Variants in LDB2 observed in about 807,000 individuals in gnomAD.
LDB2 encodes LIM domain-binding protein 2.
A neutral mutation model predicts 44.3 loss-of-function variants in LDB2; 12 were observed. The observed-to-expected ratio is 0.27, with a 90% CI of 0.17 to 0.44. The LOEUF (loss-of-function observed/expected upper bound fraction) is 0.44, where lower values mean the gene tolerates loss of function less well. LDB2 is among the 20% of genes least tolerant of loss of function. The pLI, the probability that LDB2 is intolerant of heterozygous loss-of-function variation, is 1.00. For missense variants in LDB2, 344 were observed against 473.5 expected (o/e 0.73, Z 2.54); for synonymous variants, 164 against 174.8 (o/e 0.94, Z 0.49).
At chr4:16,894,440 A>T (rs1025183071) in intron 1 of LDB2, among the ~76,000 whole-genome samples, 11 of 152,140 alleles carry the variant, frequency 7.2e-5, no homozygotes, top group African/African-American at 1.2e-4. Context: ...TGAAAAAAAA[A>T]TTTATTTCCC....
At chr4:16,642,732 T>C (rs1272197415) in intron 2 of LDB2, among the ~76,000 whole-genome samples, 1 of 152,178 alleles carries the variant, frequency 6.6e-6, no homozygotes, top group Non-Finnish European at 1.5e-5. Flanking sequence ...GTTTAATTAT[T>C]GCCCCTCTTA....
intron 2 of LDB2, among the ~76,000 whole-genome samples, chr4:16,753,862 C>A (rs1765955187): frequency 6.6e-6 from 1 of 152,104 alleles, no homozygotes; most frequent in Non-Finnish European, 1.5e-5. Context: ...CTAGAGAAAA[C>A]AATGTGCTTA....
intron 1 of LDB2, among the ~76,000 whole-genome samples, chr4:16,771,353 T>G (rs1206107780): frequency 6.6e-6 from 1 of 152,206 alleles, no homozygotes; most frequent in Non-Finnish European, 1.5e-5. Flanking sequence ...ATTTCTATTC[T>G]CTTCTCTGTT....
chr4:16,856,360 G>C (rs1383939483), intron 1 of LDB2, among the ~76,000 whole-genome samples: 1 of 152,112 alleles, frequency 6.6e-6, no homozygotes, highest in South Asian at 2.1e-4. Flanking sequence ...TCAAGTGTTA[G>C]CAAGAGTAGA....
chr4:16,779,809 A>G (rs1772768890), intron 1 of LDB2, among the ~76,000 whole-genome samples: 1 of 152,212 alleles, frequency 6.6e-6, no homozygotes, highest in African/African-American at 2.4e-5. Flanking sequence ...ACTGGAGATG[A>G]CATGCAAGGT....
chr4:16,822,711 T>C (rs1782330172), intron 1 of LDB2, among the ~76,000 whole-genome samples: 3 of 152,004 alleles, frequency 2.0e-5, no homozygotes, highest in Admixed American at 2.0e-4. Flanking sequence ...ACACAGGGTT[T>C]CACCATGTTG....
chr4:16,850,238 AG>A (rs1287188489), intron 1 of LDB2, among the ~76,000 whole-genome samples: 1 of 152,110 alleles, frequency 6.6e-6, no homozygotes, highest in African/African-American at 2.4e-5. Flanking sequence ...ATCTAGCCAG[AG>A]AAAGCCTGGA....
chr4:16,748,844 A>G (rs1371593702), intron 2 of LDB2, among the ~76,000 whole-genome samples: 1 of 152,212 alleles, frequency 6.6e-6, no homozygotes, highest in Non-Finnish European at 1.5e-5. Context: ...CATTATTAGG[A>G]ACAGATTTAT....
chr4:16,697,840 T>C (rs1319588153), intron 2 of LDB2, among the ~76,000 whole-genome samples: 1 of 152,116 alleles, frequency 6.6e-6, no homozygotes, highest in African/African-American at 2.4e-5. Flanking sequence ...AATATATATA[T>C]GTAAGTCAGA....
intron 1 of LDB2, among the ~76,000 whole-genome samples, chr4:16,772,861 A>C (rs1469217954): frequency 6.6e-6 from 1 of 152,246 alleles, no homozygotes; most frequent in African/African-American, 2.4e-5. Flanking sequence ...AAATAACACA[A>C]GCACATTCTT....
intron 1 of LDB2, among the ~76,000 whole-genome samples, chr4:16,785,683 TGCTG>T: frequency 6.6e-6 from 1 of 152,252 alleles, no homozygotes; most frequent in Admixed American, 6.5e-5. Context: ...ACAACATATT[TGCTG>T]GCTGGCTGGC....
intron 1 of LDB2, among the ~76,000 whole-genome samples, chr4:16,834,604 G>A (rs1427786320): frequency 2.0e-5 from 3 of 152,108 alleles, no homozygotes; most frequent in Admixed American, 6.5e-5. Context: ...CGAGGCGGGC[G>A]GATCACGAGT....
rs541263378 is a variant in LDB2 at position 16,587,210 on chromosome 4, C to T, written c.532-1205G>A. 3.9e-5 allele frequency among the ~76,000 whole-genome samples: 6 copies of T among 152,252 alleles called. No homozygotes were observed. The East Asian group carries it at 9.7e-4, about 25-fold the overall frequency. ...ATGTTGTTCCTGCTGCTGTGGCTAC[C>T]GGTGATGATGATGAGAGCCAATCGC... On this transcript the variant is annotated intron_variant, in intron 4 of 7. Transcript: ENST00000304523.
At chr4:16,813,140 C>A (rs1230394828) in intron 1 of LDB2, among the ~76,000 whole-genome samples, 3 of 151,984 alleles carry the variant, frequency 2.0e-5, no homozygotes, top group African/African-American at 7.2e-5. Context: ...CTGGGACTAC[C>A]ATGCCTGGCT....
chr4:16,720,603 A>G (rs759887174), intron 2 of LDB2, among the ~76,000 whole-genome samples: 1 of 152,080 alleles, frequency 6.6e-6, no homozygotes, highest in Non-Finnish European at 1.5e-5. Flanking sequence ...GCAACCATCA[A>G]TGTTCAACTC....
chr4:16,508,753 G>T (rs964335483), intron 6 of LDB2, 67 bp from the exon 7 acceptor site: 3 of 1,488,974 alleles, frequency 2.0e-6, no homozygotes, highest in Admixed American at 3.8e-5. Context: ...CATCAGTATG[G>T]TTACTCTAAG....
intron 2 of LDB2, among the ~76,000 whole-genome samples, chr4:16,626,455 C>T (rs1037325713): frequency 5.9e-5 from 9 of 152,164 alleles, no homozygotes; most frequent in East Asian, 1.9e-4. Context: ...AAATTGGTCA[C>T]GAATGACCAG....
At chr4:16,676,221 C>T (rs1746294800) in intron 2 of LDB2, among the ~76,000 whole-genome samples, 1 of 152,178 alleles carries the variant, frequency 6.6e-6, no homozygotes, top group Non-Finnish European at 1.5e-5. Context: ...TTCTTTGTTG[C>T]TACATCTAGC....
At chr4:16,741,610 T>G (rs1275958017) in intron 2 of LDB2, 1 of 152,246 alleles carries the variant, frequency 6.6e-6, no homozygotes, top group Non-Finnish European at 1.5e-5. Context: ...CTCTTCACTC[T>G]GTCAGCTCAA....
Sources: allele counts gnomAD v4.1 joint callset (sites outside exome capture counted in the v4.1 genomes callset), GRCh38; gene constraint gnomAD v4.1.1; transcripts MANE v1.5; gene names NCBI Gene and HGNC (gene_info 2026-07-23, HGNC 2026-07-21).